The following SYMPK variants were observed in gnomAD, a reference collection of about 807,000 sequenced individuals.
SYMPK encodes the protein symplekin scaffold protein.
A neutral mutation model predicts 136.4 loss-of-function variants in SYMPK; 49 were observed. The observed-to-expected ratio is 0.36, with a 90% CI of 0.29 to 0.46. The LOEUF (loss-of-function observed/expected upper bound fraction) is 0.46. Ranked by LOEUF, SYMPK falls within the 20% of genes least tolerant of loss-of-function variation. The pLI, the probability that SYMPK is intolerant of heterozygous loss-of-function variation, is 1.00. For missense variants in SYMPK, 1,365 were observed against 1,690.0 expected, an observed-to-expected ratio of 0.81 and a Z score of 3.37; for synonymous variants, 766 against 713.0, an observed-to-expected ratio of 1.07 and a Z score of -1.19.
chr19:45,830,092 G>A lies in SYMPK; in HGVS notation c.1711C>T (p.Arg571Trp), dbSNP rs148441077. The A allele has an allele frequency of 1.3e-5, 20 of 1,566,850 alleles. No homozygotes were observed. Among genetic ancestry groups the A allele is most frequent in the East Asian group, 2.4e-5 (1 of 41,944 alleles). Residue 571 changes from arginine (R) to tryptophan (W), a missense_variant, in exon 13 of 27, where the codon CGG (arginine) becomes TGG (tryptophan). By Grantham distance (101) the Arg-to-Trp change is moderately radical (BLOSUM62 -3). Transcript: ENST00000245934. ...CTGCAGGCCACAGCCTTCTCAGCCC[G>A]CAGGATCCGCTTCACAGCGCCCAGC... ...MKLGAVKRIL[R>W]AEKAVACSGA...
At chr19:45,835,837 A>C (rs1229649289) in intron 10 of SYMPK, among the ~76,000 whole-genome samples, 2 of 151,862 alleles carry the variant, frequency 1.3e-5, no homozygotes. Context: ...GCTTGAATCC[A>C]GGCGGCAGCA....
In SYMPK at chr19:45,825,068, G is replaced by A. The variant is rs994729744; in HGVS notation, c.2490+103C>T. On this transcript the variant is annotated intron_variant, in intron 18 of 26. Coordinates refer to ENST00000245934, the MANE Select transcript of SYMPK (RefSeq NM_004819.3). Reference sequence around the variant, plus strand: ...GGTCGGCCCGGGGTGACCACCCTTCGGGCTTGGCACACTCTGAGGTGGAGC... The same window carrying A: ...GGTCGGCCCGGGGTGACCACCCTTCAGGCTTGGCACACTCTGAGGTGGAGC... 120 of 1,456,596 alleles carry A rather than the reference G, an allele frequency of 8.2e-5. No individual in the cohort carries two copies. The African/African-American group carries it at 1.5e-3, about 18-fold the overall frequency. The allele number at this position is 1,456,596 out of a possible 1,614,324, so 90.2% of individuals were successfully genotyped here. A position where few individuals can be genotyped will look rare whatever the true frequency, so the allele number is the denominator to read the frequency against.
chr19:45,851,168 G>A (rs760296923), intron 5 of SYMPK, among the ~76,000 whole-genome samples: 1 of 152,228 alleles, frequency 6.6e-6, no homozygotes, highest in Non-Finnish European at 1.5e-5. Flanking sequence ...CACTCTGGCT[G>A]CTGAGTGCAA....
chr19:45,854,886 T>TTTTTTTTTTC, intron 1 of SYMPK: 1 of 198,446 alleles, frequency 5.0e-6, no homozygotes, highest in Non-Finnish European at 1.1e-5. Context: ...TTTCTTTTTT[T>TTTTTTTTTTC]TTTTTTTTTG....
At chr19:45,844,342 T>C in intron 7 of SYMPK, 142 bp from the exon 8 acceptor site, 1 of 625,682 alleles carries the variant, frequency 1.6e-6, no homozygotes, top group Non-Finnish European at 2.6e-6. Context: ...ATGTGGTGGT[T>C]GATTAGTTCT....
intron 9 of SYMPK, among the ~76,000 whole-genome samples, chr19:45,842,019 T>G (rs1971451788): frequency 6.6e-6 from 1 of 152,066 alleles, no homozygotes; most frequent in African/African-American, 2.4e-5. Flanking sequence ...TTTTTAAAAT[T>G]AGAGACAGGG....
chr19:45,833,233 C>CA (rs1971226911), intron 11 of SYMPK, among the ~76,000 whole-genome samples: 2 of 151,132 alleles, frequency 1.3e-5, no homozygotes. Context: ...AATAAACAAA[C>CA]AAAAAAACAC....
intron 20 of SYMPK, among the ~76,000 whole-genome samples, chr19:45,823,115 G>A (rs556834549): frequency 6.0e-4 from 92 of 152,306 alleles, no homozygotes; most frequent in African/African-American, 2.0e-3. Context: ...AGAGGGGAAG[G>A]GACCTGCTTG....
chr19:45,845,963 G>A (rs974358462), intron 7 of SYMPK, among the ~76,000 whole-genome samples: 6 of 152,174 alleles, frequency 3.9e-5, no homozygotes, highest in African/African-American at 9.7e-5. Context: ...TAGGCCGGGC[G>A]CGGTGGCTCA....
chr19:45,815,733 G>A (rs747429933), intron 26 of SYMPK, 36 bp from the exon 27 acceptor site: 14 of 1,602,902 alleles, frequency 8.7e-6, no homozygotes, highest in African/African-American at 8.0e-5. Context: ...GCCGGGTGGA[G>A]GGCGCGGTCA....
intron 11 of SYMPK, among the ~76,000 whole-genome samples, chr19:45,834,469 A>G (rs1971257186): frequency 6.6e-6 from 1 of 151,868 alleles, no homozygotes; most frequent in African/African-American, 2.4e-5. Flanking sequence ...AAAAAAAAAA[A>G]AAAAGAAAAA....
Position 45,838,571 on chromosome 19 carries a change from C to A in SYMPK, c.1132G>T (p.Gly378Cys), listed in dbSNP as rs1971362296. 6.2e-7 allele frequency: 1 copy of A among 1,614,204 alleles called. No individual in the cohort carries two copies. The highest frequency in any genetic ancestry group is 8.5e-7 in the Non-Finnish European group (1 of 1,180,036). ...GAGGCCTTCGAGGTCCCCGACGGGC[C>A]TGGCTCCAAGTCTTTGTCCTCATCG... ...EDDEDKDLEP[G>C]PSGTSKASAQ... Residue 378 changes from glycine (G) to cysteine (C), a missense_variant, in exon 10 of 27, where the codon GGC becomes TGC. By Grantham distance (159) the Gly-to-Cys change is radical (BLOSUM62 -3). This residue lies in a region of SYMPK where 111 missense variants were observed against 141.2 expected (regional missense o/e 0.79). Coordinates refer to ENST00000245934, the MANE Select transcript of SYMPK (RefSeq NM_004819.3).
chr19:45,845,051 ATTATT>A (rs1318381585), intron 7 of SYMPK, among the ~76,000 whole-genome samples: 4 of 152,110 alleles, frequency 2.6e-5, no homozygotes, highest in African/African-American at 9.7e-5. Context: ...TACTATTTCA[ATTATT>A]TTAAAATGTA....
chr19:45,859,634 G>C (rs1350466527), intron 1 of SYMPK, among the ~76,000 whole-genome samples: 1 of 149,092 alleles, frequency 6.7e-6, no homozygotes, highest in Non-Finnish European at 1.5e-5. Context: ...AGAAAGGAAA[G>C]AAAACAAAAA....
At chr19:45,841,297 CTTT>C (rs1038779942) in intron 9 of SYMPK, among the ~76,000 whole-genome samples, 4 of 141,530 alleles carry the variant, frequency 2.8e-5, no homozygotes, top group African/African-American at 7.8e-5. Context: ...CCCCCCCCAC[CTTT>C]TTTTTTTTTG....
chr19:45,827,398 G>A (rs1047952234), intron 16 of SYMPK, 112 bp downstream of exon 16: 1 of 722,798 alleles, frequency 1.4e-6, no homozygotes, highest in Non-Finnish European at 2.5e-6. Context: ...AAGGGAATGG[G>A]CCCAGAGAAA....
At position 45,816,149 on chromosome 19, in the gene SYMPK, G is replaced by A. The variant is rs1428311868; in HGVS notation, c.3389C>T (p.Pro1130Leu). 1.9e-6 allele frequency: 3 copies of A among 1,547,020 alleles called. No homozygotes were observed. Among genetic ancestry groups the A allele is most frequent in the Non-Finnish European group, 1.7e-6 (2 of 1,142,874 alleles). Reference protein sequence around the residue: ...DLEPLTLAPAPAPRPPQDLIG... With the variant: ...DLEPLTLAPALAPRPPQDLIG... ...GAGGTCCTGAGGGGGCCGGGGTGCT[G>A]GGGCCGGGGCCAAGGTCAGGGGCTC... The change falls in exon 26 of 27, where the codon CCA (proline) becomes CTA (leucine). Residue 1130 changes from proline (P) to leucine (L), a missense_variant. This residue lies in a region of SYMPK where 341 missense variants were observed against 270.5 expected (regional missense o/e 1.26). Coordinates refer to ENST00000245934, the MANE Select transcript of SYMPK (RefSeq NM_004819.3).
At chr19:45,822,894 C>A in intron 20 of SYMPK, 48 bp from the exon 21 acceptor site, 1 of 1,480,588 alleles carries the variant, frequency 6.8e-7, no homozygotes, top group Non-Finnish European at 9.4e-7. Context: ...CATACACCCT[C>A]ATTTCCCTTC....
chr19:45,823,684 A>AC, intron 19 of SYMPK, 83 bp downstream of exon 19: 1 of 1,252,574 alleles, frequency 8.0e-7, no homozygotes, highest in East Asian at 2.4e-5. Flanking sequence ...CCATCTGGGG[A>AC]CCCAGCAGCT....
Sources: gnomAD v4.1 joint callset for allele counts (sites outside exome capture counted in the v4.1 genomes callset) on GRCh38, gnomAD v4.1.1 for gene constraint, gnomAD v4.1.1 regional missense constraint, MANE v1.5 for transcripts, NCBI Gene and HGNC (gene_info 2026-07-23, HGNC 2026-07-21) for gene names.